The following KIF1B variants were observed in gnomAD, a reference collection of about 807,000 sequenced individuals.
The protein encoded by KIF1B is kinesin family member 1B.
Under a neutral mutation model 241.9 loss-of-function variants are expected in KIF1B, and 76 were observed. The ratio of observed to expected loss-of-function variants is 0.31; its 90% confidence interval spans 0.26 to 0.38. KIF1B has a LOEUF of 0.38. KIF1B is among the 10% of genes least tolerant of loss of function. KIF1B has a pLI of 1.00. For missense variants in KIF1B, 1,622 were observed against 2,271.4 expected (o/e 0.71, Z 5.81); for synonymous variants, 750 against 796.7 (o/e 0.94, Z 0.99).
chr1:10,304,300 A>C, intron 22 of KIF1B: 1 of 1,614,248 alleles, frequency 6.2e-7, no homozygotes, highest in South Asian at 1.1e-5. Flanking sequence ...GCAGCACATT[A>C]ATAATCAGCA....
intron 4 of KIF1B, among the ~76,000 whole-genome samples, chr1:10,260,824 G>A (rs554823354): frequency 2.7e-5 from 4 of 149,122 alleles, no homozygotes; most frequent in Non-Finnish European, 5.9e-5. Context: ...CTGAGATCGC[G>A]CCATTGCACT....
Position 10,330,479 on chromosome 1 carries a change from TAAA to T in KIF1B, c.2925-4031_2925-4029del, listed in dbSNP as rs35575898. Among the ~76,000 whole-genome samples, 5 of 145,898 alleles carry T rather than the reference TAAA, an allele frequency of 3.4e-5. 1 individual carries two copies. The highest frequency in any genetic ancestry group is 7.6e-5 in the Non-Finnish European group (5 of 65,992). On this transcript the variant is annotated intron_variant, in intron 27 of 48. Transcript: ENST00000676179. ...ATGTGTGCTTAATATAAGCTTTCTT[TAAA>T]AAAAAAAAAGGTGGCTCCTGTTTTT...
intron 38 of KIF1B, among the ~76,000 whole-genome samples, chr1:10,357,603 C>T (rs896140662): frequency 1.3e-5 from 2 of 152,166 alleles, no homozygotes; most frequent in East Asian, 3.9e-4. Context: ...TGTGGTGGCT[C>T]GTGCCTATAT....
rs1646678680 is a variant in KIF1B, at chr1:10,210,583, C to T, written c.-375C>T. Among the ~76,000 whole-genome samples, 1 of 152,134 alleles carries T rather than the reference C, an allele frequency of 6.6e-6. No individual in the cohort carries two copies. On this transcript the variant is annotated 5_prime_UTR_variant, in exon 1 of 49. Transcript: ENST00000676179. This position sits in a 1 kb window ranked among gnomAD's most constrained non-coding sequence, Gnocchi z 4.1. Reference sequence around the variant, plus strand: ...CCGAAGCGGGGCAGTGTGACGGCAGCGGTCCTGGGAGGCGCCCGCGCGCGT... The same window carrying T: ...CCGAAGCGGGGCAGTGTGACGGCAGTGGTCCTGGGAGGCGCCCGCGCGCGT...
chr1:10,270,798 C>T (rs1045950113), intron 7 of KIF1B, among the ~76,000 whole-genome samples: 1 of 151,692 alleles, frequency 6.6e-6, no homozygotes, highest in Non-Finnish European at 1.5e-5. Context: ...TGGTGGTGGG[C>T]GCCTGTAAGC....
At chr1:10,299,688 A>G (rs1428493445) in intron 22 of KIF1B, among the ~76,000 whole-genome samples, 2 of 152,172 alleles carry the variant, frequency 1.3e-5, no homozygotes, top group African/African-American at 4.8e-5. Flanking sequence ...ATAGTTCCCA[A>G]ATGCATCACA....
At chr1:10,264,561 A>G (rs888610992) in intron 5 of KIF1B, among the ~76,000 whole-genome samples, 1 of 152,234 alleles carries the variant, frequency 6.6e-6, no homozygotes, top group African/African-American at 2.4e-5. Context: ...CACAGCAATG[A>G]TTGAAGAATC....
intron 48 of KIF1B, among the ~76,000 whole-genome samples, chr1:10,375,811 G>C (rs1216898348): frequency 3.7e-5 from 1 of 26,920 alleles, no homozygotes; most frequent in African/African-American, 1.2e-4. Flanking sequence ...TTTTTTTTTT[G>C]AGATGGAGTT....
intron 48 of KIF1B, among the ~76,000 whole-genome samples, chr1:10,376,341 G>A (rs1291014654): frequency 6.6e-6 from 1 of 152,150 alleles, no homozygotes; most frequent in East Asian, 1.9e-4. Flanking sequence ...GAACCTTAAT[G>A]GTCTCCCAAC....
intron 22 of KIF1B, among the ~76,000 whole-genome samples, chr1:10,316,373 C>A (rs1247504889): frequency 6.6e-6 from 1 of 151,630 alleles, no homozygotes; most frequent in Non-Finnish European, 1.5e-5. Context: ...TGTTTCCCAG[C>A]TCTCTGCATT....
rs968117070 is a variant in KIF1B at position 10,380,197 on chromosome 1, T to C, written c.*3610T>C. ...TCTAATTTACAGGGATATTTAATTT[T>C]GTCAGGTCTATGTATATTTATCCAG... On this transcript the variant is annotated 3_prime_UTR_variant, in exon 49 of 49. Transcript: ENST00000676179. 1 of 215,916 alleles carries C rather than the reference T, an allele frequency of 4.6e-6. No homozygotes were observed. The highest frequency in any genetic ancestry group is 9.4e-6 in the Non-Finnish European group (1 of 106,856). The allele number at this position is 215,916 out of a possible 1,614,324, so 13.4% of individuals were successfully genotyped here. A position where few individuals can be genotyped will look rare whatever the true frequency, so the allele number is the denominator to read the frequency against.
At chr1:10,346,950 G>A (rs1652612060) in intron 35 of KIF1B, among the ~76,000 whole-genome samples, 1 of 152,170 alleles carries the variant, frequency 6.6e-6, no homozygotes, top group Non-Finnish European at 1.5e-5. Context: ...AACCAAAAAT[G>A]TCTTCAGACA....
chr1:10,340,592 C>T (rs1395736942), intron 32 of KIF1B, among the ~76,000 whole-genome samples: 3 of 152,108 alleles, frequency 2.0e-5, no homozygotes, highest in Non-Finnish European at 4.4e-5. Flanking sequence ...CATACCTGTC[C>T]CGGCACTCTG....
In KIF1B at chr1:10,326,471, C is replaced by T; in HGVS notation, c.2924+112C>T. ...CATTAGCCAATTCAACTCATGAATGCTCTTTTTCAAGTTCTCCAATACTTC... is the reference window on the plus strand; with the variant it reads ...CATTAGCCAATTCAACTCATGAATGTTCTTTTTCAAGTTCTCCAATACTTC... On this transcript the variant is annotated intron_variant, in intron 27 of 48. Transcript: ENST00000676179. This position sits in a 1 kb window ranked among gnomAD's most constrained non-coding sequence, Gnocchi z 5.2. The T allele has an allele frequency of 7.3e-7, 1 of 1,366,678 alleles. No individual in the cohort carries two copies. The highest frequency in any genetic ancestry group is 1.0e-6 in the Non-Finnish European group (1 of 966,542). The allele number at this position is 1,366,678 out of a possible 1,614,324, so 84.7% of individuals were successfully genotyped here. A position where few individuals can be genotyped will look rare whatever the true frequency, so the allele number is the denominator to read the frequency against.
At chr1:10,280,394 C>G (rs1649349741) in intron 14 of KIF1B, among the ~76,000 whole-genome samples, 2 of 151,990 alleles carry the variant, frequency 1.3e-5, no homozygotes, top group South Asian at 4.2e-4. Flanking sequence ...CACCACCACG[C>G]CCAGCTTATT....
chr1:10,305,436 C>T, intron 22 of KIF1B: 1 of 1,057,672 alleles, frequency 9.5e-7, no homozygotes. Flanking sequence ...GTGAACTATT[C>T]ACCAAAATCA....
At chr1:10,325,008 C>A in intron 26 of KIF1B, 113 bp downstream of exon 26, 2 of 1,210,212 alleles carry the variant, frequency 1.7e-6, no homozygotes, top group Admixed American at 1.8e-5. Flanking sequence ...TGTAAAAAGG[C>A]CTTATCTATA....
chr1:10,278,221 G>A, intron 13 of KIF1B, 93 bp downstream of exon 13: 2 of 1,329,388 alleles, frequency 1.5e-6, no homozygotes, highest in Non-Finnish European at 2.1e-6. Flanking sequence ...TTCAAGTTAA[G>A]GAGCATGATG....
rs540018227 is a variant in KIF1B, at chr1:10,359,540, C to T, written c.4056-1389C>T. Reference sequence around the variant, plus strand: ...TGTTGTTTTACCAGTAGAAAAAAAACGATATTAGAACAATAACAACAAAAT... The same window carrying T: ...TGTTGTTTTACCAGTAGAAAAAAAATGATATTAGAACAATAACAACAAAAT... On this transcript the variant is annotated intron_variant, in intron 38 of 48. Coordinates refer to ENST00000676179, the MANE Select transcript of KIF1B (RefSeq NM_001365951.3). Among the ~76,000 whole-genome samples, 19 of 151,890 alleles carry T rather than the reference C, an allele frequency of 1.3e-4. No homozygotes were observed. In the South Asian group the frequency reaches 1.7e-3, roughly 13 times the overall value.
Sources: allele counts gnomAD v4.1 joint callset (sites outside exome capture counted in the v4.1 genomes callset), GRCh38; gene constraint gnomAD v4.1.1; non-coding constraint Gnocchi (gnomAD v3.1); transcripts MANE v1.5; gene names NCBI Gene and HGNC (gene_info 2026-07-23, HGNC 2026-07-21).